The following ZNRF2 variants were observed in gnomAD, a reference collection of about 807,000 sequenced individuals.
ZNRF2 encodes zinc and ring finger 2.
In ZNRF2, 16 loss-of-function variants were observed where a neutral mutation model predicts 20.4. The observed-to-expected ratio is 0.79, with a 90% CI of 0.53 to 1.19. The LOEUF is 1.19. Ranked by LOEUF, ZNRF2 falls within the 50% of genes most tolerant of loss-of-function variation. ZNRF2 has a pLI of 0.00. For missense variants in ZNRF2, 363 were observed against 332.4 expected (o/e 1.09, Z -0.72); for synonymous variants, 178 against 144.9 (o/e 1.23, Z -1.64).
Position 30,355,724 on chromosome 7 carries a change from TC to T in ZNRF2, c.566-3del. On this transcript the variant is annotated splice_polypyrimidine_tract_variant and splice_region_variant and intron_variant, in intron 2 of 4. Coordinates refer to ENST00000323037, the MANE Select transcript of ZNRF2 (RefSeq NM_147128.4). Reference sequence around the variant, plus strand: ...TGTCCTGAATTCATTTTCTCTTTCTTCAGAGGATGTACTGAGTAAAGATGCT... The same window carrying T: ...TGTCCTGAATTCATTTTCTCTTTCTTAGAGGATGTACTGAGTAAAGATGCT... The T allele has an allele frequency of 1.9e-6, 3 of 1,606,024 alleles. No homozygotes were observed. The highest frequency in any genetic ancestry group is 2.6e-6 in the Non-Finnish European group (3 of 1,174,774).
At chr7:30,347,165 C>T (rs79568631) in intron 2 of ZNRF2, among the ~76,000 whole-genome samples, 6,088 of 152,154 alleles carry the variant, frequency 0.04, 400 homozygotes, top group African/African-American at 0.14. Flanking sequence ...AATGATCTTT[C>T]TCAGTTATAT....
At chr7:30,328,465 AATTT>A (rs1318161283) in intron 2 of ZNRF2, among the ~76,000 whole-genome samples, 2 of 152,138 alleles carry the variant, frequency 1.3e-5, no homozygotes, top group African/African-American at 2.4e-5. Flanking sequence ...GAAATTTTGA[AATTT>A]ATTTGTTAAG....
intron 2 of ZNRF2, among the ~76,000 whole-genome samples, chr7:30,352,922 A>G (rs936176911): frequency 1.3e-5 from 2 of 152,078 alleles, no homozygotes; most frequent in Admixed American, 6.6e-5. Context: ...GTCTTTCACA[A>G]TTGTGAAATG....
At chr7:30,307,114 T>C (rs929476861) in intron 1 of ZNRF2, among the ~76,000 whole-genome samples, 11 of 152,012 alleles carry the variant, frequency 7.2e-5, no homozygotes, top group African/African-American at 2.7e-4. Flanking sequence ...TCACCTATCT[T>C]GGTGAAAACT....
chr7:30,361,996 G>A (rs760931267), intron 3 of ZNRF2, among the ~76,000 whole-genome samples: 5 of 152,006 alleles, frequency 3.3e-5, no homozygotes, highest in East Asian at 3.9e-4. Flanking sequence ...TTTAAAAGCC[G>A]TTTTTTAATA....
chr7:30,330,528 A>G (rs1001659484), intron 2 of ZNRF2, among the ~76,000 whole-genome samples: 35 of 152,286 alleles, frequency 2.3e-4, no homozygotes, highest in South Asian at 8.3e-4. Context: ...TCCAGTTTGC[A>G]TATACAGCCT....
At chr7:30,296,050 C>T (rs1184911334) in intron 1 of ZNRF2, among the ~76,000 whole-genome samples, 2 of 152,150 alleles carry the variant, frequency 1.3e-5, no homozygotes, top group Non-Finnish European at 2.9e-5. Flanking sequence ...ATGGTAAAAA[C>T]TTTGTAAATA....
rs11320046 is a variant in ZNRF2, at chr7:30,343,685, G to GT, written c.566-12033dup. Among the ~76,000 whole-genome samples, 407 of 147,656 alleles carry GT rather than the reference G, an allele frequency of 2.8e-3. 4 individuals are homozygous for GT. Among genetic ancestry groups the GT allele is most frequent in the Middle Eastern group, 0.014 (4 of 288 alleles). The stretch of plus-strand genomic sequence containing the variant: ...CTTTTAGTTTGTATTTGCCTGATAA[G>GT]TTTTTTTTTTCATTTTCATTTCCTG... On this transcript the variant is annotated intron_variant, in intron 2 of 4. Transcript: ENST00000323037.
At chr7:30,327,951 T>G (rs1799579816) in intron 2 of ZNRF2, among the ~76,000 whole-genome samples, 2 of 152,186 alleles carry the variant, frequency 1.3e-5, no homozygotes, top group Non-Finnish European at 2.9e-5. Context: ...ATACAGCTTC[T>G]TAATAAAAAC....
At chr7:30,338,270 G>A (rs927048619) in intron 2 of ZNRF2, among the ~76,000 whole-genome samples, 4 of 150,708 alleles carry the variant, frequency 2.7e-5, no homozygotes, top group Admixed American at 6.6e-5. Flanking sequence ...CAAAGATGCT[G>A]TGCCCATTTT....
intron 2 of ZNRF2, among the ~76,000 whole-genome samples, chr7:30,344,823 CTT>C (rs1799852980): frequency 6.6e-6 from 1 of 152,128 alleles, no homozygotes; most frequent in Non-Finnish European, 1.5e-5. Context: ...ATCTATGTGT[CTT>C]TTTGTTTTTT....
At chr7:30,309,931 T>A (rs908405372) in intron 1 of ZNRF2, among the ~76,000 whole-genome samples, 1 of 152,114 alleles carries the variant, frequency 6.6e-6, no homozygotes, top group African/African-American at 2.4e-5. Flanking sequence ...GAATAAAAAG[T>A]TGGTATTTGT....
At chr7:30,295,050 A>T (rs42572) in intron 1 of ZNRF2, among the ~76,000 whole-genome samples, 975 of 38,290 alleles carry the variant, frequency 0.025, 44 homozygotes, top group Non-Finnish European at 0.035. Flanking sequence ...AGAGAGAGAG[A>T]GTGTGTGTGT....
intron 2 of ZNRF2, among the ~76,000 whole-genome samples, chr7:30,330,750 A>AT (rs368762584): frequency 0.017 from 2,526 of 150,300 alleles, 74 homozygotes; most frequent in African/African-American, 0.059. Flanking sequence ...TGAAATTGGC[A>AT]TTTTTTTTTA....
At chr7:30,327,206 C>G (rs959110913) in intron 2 of ZNRF2, among the ~76,000 whole-genome samples, 2 of 152,110 alleles carry the variant, frequency 1.3e-5, no homozygotes, top group African/African-American at 2.4e-5. Context: ...AAATCTTTGC[C>G]TGTTCTTATG....
At chr7:30,354,560 A>G (rs1313272392) in intron 2 of ZNRF2, among the ~76,000 whole-genome samples, 2 of 152,184 alleles carry the variant, frequency 1.3e-5, no homozygotes, top group Admixed American at 1.3e-4. Context: ...AATGTACACA[A>G]TCAAATTTGT....
In ZNRF2 at chr7:30,285,748, C is replaced by G. The variant is rs774932282; in HGVS notation, c.391C>G (p.Pro131Ala). 30 of 1,479,312 alleles carry G rather than the reference C, an allele frequency of 2.0e-5. No homozygotes were observed. The highest frequency in any genetic ancestry group is 2.6e-5 in the Non-Finnish European group (29 of 1,121,770). The allele number at this position is 1,479,312 out of a possible 1,614,324, so 91.6% of individuals were successfully genotyped here. The stretch of plus-strand genomic sequence containing the variant: ...GGACGGCGGCGGCGGCCGGGACCGG[C>G]CGGTGGGCGGGAGCCCCGGCGGGCC... ...PEDGGGGRDR[P>A]VGGSPGGPRL... Residue 131 changes from proline (P) to alanine (A), a missense_variant, in exon 1 of 5, where the codon CCG (proline) becomes GCG (alanine). By Grantham distance (27) the Pro-to-Ala change is conservative. This residue lies in a region of ZNRF2 where 302 missense variants were observed against 231.5 expected (regional missense o/e 1.30). Coordinates refer to ENST00000323037, the MANE Select transcript of ZNRF2 (RefSeq NM_147128.4).
intron 1 of ZNRF2, among the ~76,000 whole-genome samples, chr7:30,295,155 G>C (rs1255582586): frequency 2.0e-5 from 3 of 148,320 alleles, no homozygotes; most frequent in Non-Finnish European, 4.5e-5. Flanking sequence ...TTAAGCTGGG[G>C]CCTTGAGACT....
intron 1 of ZNRF2, among the ~76,000 whole-genome samples, chr7:30,308,914 A>G (rs376161136): frequency 7.2e-5 from 11 of 152,178 alleles, no homozygotes; most frequent in South Asian, 2.1e-4. Context: ...AAACAGTACA[A>G]TGAACTAAAA....
Sources: gnomAD v4.1 joint callset for allele counts (sites outside exome capture counted in the v4.1 genomes callset) on GRCh38, gnomAD v4.1.1 for gene constraint, gnomAD v4.1.1 regional missense constraint, MANE v1.5 for transcripts, NCBI Gene and HGNC (gene_info 2026-07-23, HGNC 2026-07-21) for gene names.